Variants in MCF2 observed in about 807,000 individuals in gnomAD.
MCF2 encodes the protein MCF.2 cell line derived transforming sequence.
MCF2 carries 44 observed loss-of-function variants against 82.5 expected under a neutral mutation model. The observed-to-expected ratio is 0.53, with a 90% CI of 0.42 to 0.69. MCF2 has a LOEUF of 0.69. Ranked by LOEUF, MCF2 falls within the 30% of genes least tolerant of loss-of-function variation. The pLI is 0.00. For synonymous variants in MCF2, 217 were observed against 224.9 expected (o/e 0.96, Z 0.32); for missense variants, 623 against 663.1 (o/e 0.94, Z 0.66).
chrX:139,632,877 T>C (rs1474418196), intron 1 of MCF2, among the ~76,000 whole-genome samples: 1 of 112,046 alleles, frequency 8.9e-6, no homozygotes, highest in East Asian at 2.8e-4. Context: ...AACTTTATTA[T>C]GGGATTATAT....
intron 1 of MCF2, among the ~76,000 whole-genome samples, chrX:139,659,217 G>A (rs1266437514): frequency 9.0e-6 from 1 of 110,514 alleles, no homozygotes; most frequent in African/African-American, 3.3e-5. Context: ...AACCTGGGAG[G>A]CGGAGGTTGC....
chrX:139,591,975 C>T (rs1292369800), intron 19 of MCF2, among the ~76,000 whole-genome samples: 3 of 110,858 alleles, frequency 2.7e-5, no homozygotes, highest in Non-Finnish European at 5.7e-5. Flanking sequence ...GACTGTGAAA[C>T]TAATAACCCA....
intron 1 of MCF2, among the ~76,000 whole-genome samples, chrX:139,676,197 G>A (rs747502384): frequency 8.9e-6 from 1 of 112,281 alleles, no homozygotes; most frequent in Admixed American, 9.4e-5. Flanking sequence ...TATTTGGGCG[G>A]GAGTGTCCCA....
exon 13 of MCF2, chrX:139,605,768 T>C: frequency 8.4e-7 from 1 of 1,190,514 alleles, no homozygotes; most frequent in Non-Finnish European, 1.1e-6. Flanking sequence ...TATCAGTTCA[T>C]TTAGTACGTG....
intron 19 of MCF2, among the ~76,000 whole-genome samples, chrX:139,592,023 T>C (rs1226210925): frequency 9.0e-6 from 1 of 111,242 alleles, no homozygotes; most frequent in Non-Finnish European, 1.9e-5. Context: ...ATGCTAGCAA[T>C]TGCTTAATGC....
At chrX:139,629,380 T>C (rs1041927795) in intron 4 of MCF2, among the ~76,000 whole-genome samples, 1 of 112,043 alleles carries the variant, frequency 8.9e-6, no homozygotes, top group African/African-American at 3.2e-5. Context: ...TGGTTCATCA[T>C]TGATCACAAC....
At chrX:139,586,580 G>T in intron 22 of MCF2, 93 bp from the exon 27 acceptor site, 1 of 539,002 alleles carries the variant, frequency 1.9e-6, no homozygotes, top group Non-Finnish European at 3.1e-6. Context: ...GATACCAAGT[G>T]TTAAGAACAT....
chrX:139,596,205 A>G (rs1439011044), intron 19 of MCF2, among the ~76,000 whole-genome samples: 1 of 111,221 alleles, frequency 9.0e-6, no homozygotes, highest in African/African-American at 3.3e-5. Context: ...CAAGACCAAG[A>G]ACTCCACCCA....
chrX:139,688,426 G>A (rs144874429), intron 1 of MCF2, among the ~76,000 whole-genome samples: 2,262 of 111,367 alleles, frequency 0.02, 15 homozygotes, highest in Non-Finnish European at 0.033. Flanking sequence ...CAGTTACGTG[G>A]AACACTCACA....
intron 16 of MCF2, among the ~76,000 whole-genome samples, chrX:139,600,555 C>T (rs951406403): frequency 1.8e-5 from 2 of 111,523 alleles, no homozygotes; most frequent in African/African-American, 3.3e-5. Flanking sequence ...AAGTGACCCT[C>T]AGCCTTTTCT....
chrX:139,660,453 G>A (rs1934325648), intron 1 of MCF2, among the ~76,000 whole-genome samples: 1 of 112,110 alleles, frequency 8.9e-6, no homozygotes, highest in Non-Finnish European at 1.9e-5. Flanking sequence ...GATAAAATTA[G>A]GTTTTGTTTG....
chrX:139,634,176 C>T (rs955189806), intron 1 of MCF2, among the ~76,000 whole-genome samples: 4 of 111,481 alleles, frequency 3.6e-5, no homozygotes, highest in African/African-American at 1.3e-4. Context: ...GAGCCATCAG[C>T]CTCAAGATGG....
At chrX:139,682,834 T>C (rs1935032595) in intron 1 of MCF2, among the ~76,000 whole-genome samples, 1 of 112,628 alleles carries the variant, frequency 8.9e-6, no homozygotes, top group Non-Finnish European at 1.9e-5. Flanking sequence ...TATTATTGTT[T>C]TCCCTTGGGA....
chrX:139,607,152 A>C (rs1416300355), intron 12 of MCF2: 3 of 106,745 alleles, frequency 2.8e-5, no homozygotes, highest in Non-Finnish European at 5.8e-5. Flanking sequence ...TCTCACCACA[A>C]AAAAAAAATG....
chrX:139,683,621 A>G (rs751474531), intron 1 of MCF2, among the ~76,000 whole-genome samples: 13 of 112,846 alleles, frequency 1.2e-4, no homozygotes, highest in Non-Finnish European at 2.2e-4. Context: ...AGGTATTATG[A>G]TAGACTTATA....
chrX:139,638,642 C>T (rs985739243), intron 1 of MCF2, among the ~76,000 whole-genome samples: 7 of 111,650 alleles, frequency 6.3e-5, no homozygotes, highest in African/African-American at 2.3e-4. Flanking sequence ...GATTGTCATG[C>T]AAAGCCCAGA....
chrX:139,667,465 T>A (rs757485613), intron 1 of MCF2, among the ~76,000 whole-genome samples: 2 of 111,523 alleles, frequency 1.8e-5, no homozygotes, highest in African/African-American at 3.3e-5. Context: ...TCTCCAGGCC[T>A]GCAGGTAGCA....
chrX:139,645,643 G>T (rs185842381), upstream of MCF2: 105 of 1,184,767 alleles, frequency 8.9e-5, no homozygotes, highest in African/African-American at 1.6e-3. Flanking sequence ...TAAACCGGGA[G>T]TCTGATCCAT....
intron 2 of MCF2, among the ~76,000 whole-genome samples, chrX:139,650,866 C>T (rs1933979496): frequency 8.9e-6 from 1 of 111,951 alleles, no homozygotes; most frequent in Admixed American, 9.5e-5. Context: ...AAAGGAAGTT[C>T]TGACACATGC....
Sources: gnomAD v4.1 joint callset for allele counts (sites outside exome capture counted in the v4.1 genomes callset) on GRCh38, gnomAD v4.1.1 for gene constraint, MANE v1.5 for transcripts, NCBI Gene and HGNC (gene_info 2026-07-23, HGNC 2026-07-21) for gene names.